ARID4B: variants seen among roughly 807,000 people sequenced by gnomAD.
The protein encoded by ARID4B is AT-rich interactive domain-containing protein 4B.
Under a neutral mutation model 147.5 loss-of-function variants are expected in ARID4B, and 26 were observed. That is an observed-to-expected ratio of 0.18 (90% CI 0.13 to 0.24). The LOEUF (loss-of-function observed/expected upper bound fraction) is 0.24, where lower values mean the gene tolerates loss of function less well. ARID4B is among the 10% of genes least tolerant of loss of function. The probability of loss-of-function intolerance (pLI) is 1.00; values close to 1 mark genes in which losing one functional copy is unlikely to be tolerated. For missense variants in ARID4B, 1,179 were observed against 1,511.5 expected (o/e 0.78, Z 3.65); for synonymous variants, 512 against 507.9 (o/e 1.01, Z -0.11).
chr1:235,193,904 ACT>A (rs1422340711), intron 19 of ARID4B, 107 bp downstream of exon 19: 2 of 764,458 alleles, frequency 2.6e-6, no homozygotes, highest in Admixed American at 5.5e-5. Flanking sequence ...AGCAAACAAA[ACT>A]CTGGTAGAAA....
In ARID4B at chr1:235,219,848, C is replaced by T. The variant is rs989387305; in HGVS notation, c.1528G>A (p.Val510Ile). 8 of 1,608,398 alleles carry T rather than the reference C, an allele frequency of 5.0e-6. No homozygotes were observed. The highest frequency in any genetic ancestry group is 2.7e-5 in the African/African-American group (2 of 74,552). ...ACCTTTATGTTGAGGGATTCATCTA[C>T]CCTAGTTGTGTCATCATCTTTGTCA... The part of the protein sequence containing the change: ...LDDKDDDTTR[V>I]DESLNIKVEA... Residue 510 changes from valine to isoleucine, a missense_variant, in exon 16 of 24, where the codon GTA (valine) becomes ATA (isoleucine). Transcript: ENST00000264183.
intron 2 of ARID4B, among the ~76,000 whole-genome samples, chr1:235,326,151 A>T (rs1322241699): frequency 6.9e-6 from 1 of 144,512 alleles, no homozygotes; most frequent in Non-Finnish European, 1.5e-5. Flanking sequence ...GCATGTGTTT[A>T]AAAAAAAAAA....
chr1:235,267,761 G>A (rs959451678), intron 2 of ARID4B, among the ~76,000 whole-genome samples: 14 of 152,004 alleles, frequency 9.2e-5, no homozygotes, highest in African/African-American at 2.7e-4. Context: ...AAAAGTAGCC[G>A]GGCATGGTGG....
At chr1:235,299,379 A>AT (rs889467341) in intron 2 of ARID4B, among the ~76,000 whole-genome samples, 24 of 152,114 alleles carry the variant, frequency 1.6e-4, no homozygotes, top group African/African-American at 5.3e-4. Context: ...ACGCCCAGCT[A>AT]TTTTTTGTAT....
chr1:235,256,179 A>AAAAAAG (rs1227796881), intron 4 of ARID4B, among the ~76,000 whole-genome samples: 1 of 151,560 alleles, frequency 6.6e-6, no homozygotes, highest in Non-Finnish European at 1.5e-5. Context: ...GCCTCAAAAA[A>AAAAAAG]AAAAAAAAAA....
At chr1:235,236,265 A>G (rs1188655544) in intron 8 of ARID4B, among the ~76,000 whole-genome samples, 1 of 152,120 alleles carries the variant, frequency 6.6e-6, no homozygotes, top group Non-Finnish European at 1.5e-5. Flanking sequence ...ATGGATCTCA[A>G]TTTTGGGAGG....
At chr1:235,256,755 T>C (rs550771067) in intron 4 of ARID4B, among the ~76,000 whole-genome samples, 1 of 152,344 alleles carries the variant, frequency 6.6e-6, no homozygotes, top group Admixed American at 6.5e-5. Flanking sequence ...CTATTAATTT[T>C]GGAAAATCCA....
At chr1:235,276,724 G>A (rs917119057) in intron 2 of ARID4B, among the ~76,000 whole-genome samples, 11 of 152,094 alleles carry the variant, frequency 7.2e-5, no homozygotes, top group South Asian at 4.1e-4. Context: ...TTGGCCAGGC[G>A]CGGTGGCTCA....
chr1:235,183,842 G>A (rs1012031850), intron 19 of ARID4B, among the ~76,000 whole-genome samples: 25 of 151,508 alleles, frequency 1.7e-4, no homozygotes, highest in Admixed American at 1.4e-3. Context: ...CTGTTCCCCA[G>A]GCACTATCAT....
intron 17 of ARID4B, among the ~76,000 whole-genome samples, chr1:235,201,894 GTAAAATAAAATAAAA>G (rs202134060): frequency 0.015 from 2,200 of 151,628 alleles, 45 homozygotes; most frequent in Non-Finnish European, 0.016. Context: ...AAAAAAATAT[GTAAAATAAAATAAAA>G]TAAAATAAAT....
In ARID4B at chr1:235,287,120, G is replaced by A. The variant is rs564400099; in HGVS notation, c.7-26368C>T. On this transcript the variant is annotated intron_variant, in intron 2 of 23. Transcript: ENST00000264183. ...ACTAAAAATGCAAAATTAGCCGGGC[G>A]TGGTGGCAGGTGCCTGTAGTCCCAG... Among the ~76,000 whole-genome samples the A allele has an allele frequency of 1.4e-3, 215 of 152,248 alleles. 1 individual carries two copies. Among genetic ancestry groups the A allele is most frequent in the African/African-American group, 4.8e-3 (201 of 41,538 alleles).
intron 10 of ARID4B, among the ~76,000 whole-genome samples, chr1:235,230,132 C>T (rs530322302): frequency 1.3e-5 from 2 of 152,186 alleles, no homozygotes; most frequent in East Asian, 3.9e-4. Context: ...ACTTTGATTC[C>T]TCAGTCAGGC....
chr1:235,231,971 T>A (rs1377043896), intron 9 of ARID4B, among the ~76,000 whole-genome samples: 1 of 152,120 alleles, frequency 6.6e-6, no homozygotes, highest in Non-Finnish European at 1.5e-5. Flanking sequence ...AAGCAAAGAA[T>A]TAGCCAGGAG....
At chr1:235,288,028 T>C (rs1672098685) in intron 2 of ARID4B, among the ~76,000 whole-genome samples, 1 of 152,228 alleles carries the variant, frequency 6.6e-6, no homozygotes, top group Non-Finnish European at 1.5e-5. Context: ...TTAATGTGGC[T>C]GGGCGCAGTG....
intron 2 of ARID4B, among the ~76,000 whole-genome samples, chr1:235,312,327 C>G (rs951173918): frequency 2.6e-5 from 4 of 152,080 alleles, no homozygotes; most frequent in African/African-American, 9.7e-5. Context: ...ATATGCATAG[C>G]ATAAGCCCAT....
chr1:235,257,309 A>G (rs1479935881), intron 3 of ARID4B, 84 bp from the exon 4 acceptor site: 2 of 894,682 alleles, frequency 2.2e-6, no homozygotes, highest in Non-Finnish European at 3.6e-6. Flanking sequence ...ATTTGTAGTA[A>G]AAGAAATATA....
At chr1:235,306,239 G>A (rs921150731) in intron 2 of ARID4B, among the ~76,000 whole-genome samples, 1 of 152,072 alleles carries the variant, frequency 6.6e-6, no homozygotes, top group Admixed American at 6.6e-5. Flanking sequence ...AGATTGTGCT[G>A]GCTGGGCACG....
At chr1:235,218,321 TAC>T (rs1437541890) in intron 16 of ARID4B, among the ~76,000 whole-genome samples, 1 of 152,090 alleles carries the variant, frequency 6.6e-6, no homozygotes, top group Non-Finnish European at 1.5e-5. Context: ...ACCTACAAAA[TAC>T]AGTTTATTCT....
chr1:235,239,686 G>A (rs928069173), intron 8 of ARID4B, among the ~76,000 whole-genome samples: 1 of 152,064 alleles, frequency 6.6e-6, no homozygotes, highest in African/African-American at 2.4e-5. Flanking sequence ...ACAATCATGA[G>A]GATACTCCTG....
Sources: allele counts gnomAD v4.1 joint callset (sites outside exome capture counted in the v4.1 genomes callset), GRCh38; gene constraint gnomAD v4.1.1; transcripts MANE v1.5; gene names NCBI Gene and HGNC (gene_info 2026-07-23, HGNC 2026-07-21).